Variants in LHFPL3 observed in about 807,000 individuals in gnomAD.
LHFPL3 encodes the protein LHFPL tetraspan subfamily member 3.
In LHFPL3, 5 loss-of-function variants were observed where a neutral mutation model predicts 19.3. The ratio of observed to expected loss-of-function variants is 0.26; its 90% CI spans 0.14 to 0.54. LHFPL3 has a LOEUF of 0.54. LHFPL3 is among the 20% of genes least tolerant of loss of function. The pLI is 0.94. For missense variants in LHFPL3, 249 were observed against 307.4 expected (o/e 0.81, Z 1.42); for synonymous variants, 133 against 126.2 (o/e 1.05, Z -0.36).
chr7:104,794,099 C>T (rs933335005), intron 2 of LHFPL3, among the ~76,000 whole-genome samples: 6 of 152,110 alleles, frequency 3.9e-5, no homozygotes, highest in African/African-American at 1.4e-4. Context: ...TTCTTATATA[C>T]TATAGAAGTA....
At chr7:104,684,327 T>G (rs1014946768) in intron 1 of LHFPL3, among the ~76,000 whole-genome samples, 1 of 152,114 alleles carries the variant, frequency 6.6e-6, no homozygotes, top group African/African-American at 2.4e-5. Context: ...CTCCAAGGAG[T>G]CAGTAAACTT....
chr7:104,818,660 A>G (rs1439461159), intron 2 of LHFPL3, among the ~76,000 whole-genome samples: 1 of 152,134 alleles, frequency 6.6e-6, no homozygotes, highest in African/African-American at 2.4e-5. Context: ...CAGATGTTCA[A>G]AAGTACTGAG....
At chr7:104,366,213 G>A (rs1254950941) in intron 1 of LHFPL3, among the ~76,000 whole-genome samples, 1 of 152,202 alleles carries the variant, frequency 6.6e-6, no homozygotes, top group Non-Finnish European at 1.5e-5. Flanking sequence ...GTAAAACAGT[G>A]CTCAATAAAG....
chr7:104,872,368 G>T (rs949060352), intron 2 of LHFPL3, among the ~76,000 whole-genome samples: 5 of 151,762 alleles, frequency 3.3e-5, no homozygotes, highest in African/African-American at 1.2e-4. Context: ...ACACAGGCGA[G>T]GCACAGTGGC....
At chr7:104,840,308 C>CTTTTT (rs67980957) in intron 2 of LHFPL3, among the ~76,000 whole-genome samples, 1 of 118,376 alleles carries the variant, frequency 8.4e-6, no homozygotes, top group African/African-American at 3.2e-5. Flanking sequence ...TGTGGGTTTT[C>CTTTTT]TTTTTTTTTT....
chr7:104,532,518 A>T (rs1457430820), intron 1 of LHFPL3, among the ~76,000 whole-genome samples: 1 of 151,948 alleles, frequency 6.6e-6, no homozygotes, highest in African/African-American at 2.4e-5. Flanking sequence ...TATCCAAAGC[A>T]TGCACATAGA....
At position 104,541,362 on chromosome 7, in the gene LHFPL3, C is replaced by T. The variant is rs116178036; in HGVS notation, c.446-195313C>T. Reference sequence around the variant, plus strand: ...ACAGTGTGATTCCAGTCTACATCCTCAGCGCTAGGCACAGAGGAGGCACCA... The same window carrying T: ...ACAGTGTGATTCCAGTCTACATCCTTAGCGCTAGGCACAGAGGAGGCACCA... On this transcript the variant is annotated intron_variant, in intron 1 of 2. Transcript: ENST00000424859. 9.2e-3 allele frequency among the ~76,000 whole-genome samples: 1,403 copies of T among 152,272 alleles called. 22 individuals carry two copies. The highest frequency in any genetic ancestry group is 0.032 in the African/African-American group (1,324 of 41,544).
At chr7:104,563,129 CT>C (rs1301731121) in intron 1 of LHFPL3, among the ~76,000 whole-genome samples, 2 of 152,214 alleles carry the variant, frequency 1.3e-5, no homozygotes, top group Non-Finnish European at 2.9e-5. Context: ...TTACTGCTGT[CT>C]TTTTGTTTGT....
At chr7:104,468,012 G>T (rs1156441417) in intron 1 of LHFPL3, among the ~76,000 whole-genome samples, 1 of 152,190 alleles carries the variant, frequency 6.6e-6, no homozygotes. Flanking sequence ...TGTCTGTTCA[G>T]TGTACCCTAG....
chr7:104,395,519 T>C (rs1186322093), intron 1 of LHFPL3, among the ~76,000 whole-genome samples: 1 of 152,172 alleles, frequency 6.6e-6, no homozygotes, highest in East Asian at 1.9e-4. Context: ...TCTCCTCCAC[T>C]CCTACCCCAG....
rs1394020526 is a variant in LHFPL3 at position 104,346,118 on chromosome 7, C to A, written c.445+16894C>A. 2.0e-5 allele frequency among the ~76,000 whole-genome samples: 3 copies of A among 151,444 alleles called. No individual in the cohort carries two copies. The East Asian group carries it at 5.8e-4, about 29-fold the overall frequency. Reference sequence around the variant, plus strand: ...TGGTGTGATCTTGGCTCACTGCAACCTCTGCCTCCCAGGTTCAAGCAATTC... The same window carrying A: ...TGGTGTGATCTTGGCTCACTGCAACATCTGCCTCCCAGGTTCAAGCAATTC... On this transcript the variant is annotated intron_variant, in intron 1 of 2. Coordinates refer to ENST00000424859, the MANE Select transcript of LHFPL3 (RefSeq NM_199000.3).
At chr7:104,666,509 A>ATTTTTTTT (rs1315147894) in intron 1 of LHFPL3, among the ~76,000 whole-genome samples, 8 of 44,162 alleles carry the variant, frequency 1.8e-4, no homozygotes, top group Non-Finnish European at 2.3e-4. Context: ...ACAGGATTTC[A>ATTTTTTTT]TTCTTTTTTT....
intron 1 of LHFPL3, among the ~76,000 whole-genome samples, chr7:104,397,211 A>T (rs965203745): frequency 5.3e-5 from 8 of 152,166 alleles, no homozygotes; most frequent in African/African-American, 1.9e-4. Context: ...ATAAAATTAT[A>T]TGAATGCCAT....
intron 1 of LHFPL3, among the ~76,000 whole-genome samples, chr7:104,592,569 G>T (rs761053931): frequency 1.3e-5 from 2 of 152,122 alleles, no homozygotes; most frequent in Non-Finnish European, 2.9e-5. Context: ...CCCACTTGAG[G>T]CAGTCTATCT....
intron 1 of LHFPL3, among the ~76,000 whole-genome samples, chr7:104,505,230 A>G (rs575377175): frequency 6.6e-6 from 1 of 152,212 alleles, no homozygotes; most frequent in Admixed American, 6.5e-5. Flanking sequence ...TAACCAGTGG[A>G]ATTTTTGTCT....
intron 1 of LHFPL3, among the ~76,000 whole-genome samples, chr7:104,724,831 C>A (rs1042758493): frequency 6.6e-6 from 1 of 152,186 alleles, no homozygotes; most frequent in African/African-American, 2.4e-5. Flanking sequence ...AACCCGTACA[C>A]ACTACAGTGC....
At chr7:104,661,503 T>A (rs1792223243) in intron 1 of LHFPL3, among the ~76,000 whole-genome samples, 1 of 152,224 alleles carries the variant, frequency 6.6e-6, no homozygotes. Context: ...CTGTCCTGAC[T>A]TTTTTGTCCT....
At chr7:104,748,278 T>G (rs1476792651) in intron 2 of LHFPL3, among the ~76,000 whole-genome samples, 2 of 151,916 alleles carry the variant, frequency 1.3e-5, no homozygotes, top group Admixed American at 1.3e-4. Flanking sequence ...CCCCATGTGA[T>G]AGTCTGAAAT....
chr7:104,409,463 A>C (rs1041699415), intron 1 of LHFPL3, among the ~76,000 whole-genome samples: 1 of 152,058 alleles, frequency 6.6e-6, no homozygotes, highest in African/African-American at 2.4e-5. Context: ...CTTGAATACA[A>C]AAATTAGCTG....
Sources: allele counts gnomAD v4.1 joint callset (sites outside exome capture counted in the v4.1 genomes callset), GRCh38; gene constraint gnomAD v4.1.1; transcripts MANE v1.5; gene names NCBI Gene and HGNC (gene_info 2026-07-23, HGNC 2026-07-21).